The following PITPNC1 variants were observed in gnomAD, a reference collection of about 807,000 sequenced individuals.
PITPNC1 encodes the protein cytoplasmic phosphatidylinositol transfer protein 1.
PITPNC1 carries 18 observed loss-of-function variants against 44.7 expected under a neutral mutation model. The ratio of observed to expected loss-of-function variants is 0.40; its 90% CI spans 0.28 to 0.60. PITPNC1 has a LOEUF of 0.60. Among genes scored for constraint, PITPNC1 ranks in the 20% least tolerant of loss-of-function variants. The pLI is 0.39. For missense variants in PITPNC1, 290 were observed against 418.4 expected (o/e 0.69, Z 2.68); for synonymous variants, 141 against 149.6 (o/e 0.94, Z 0.42).
chr17:67,644,209 A>G (rs759560690), intron 6 of PITPNC1, among the ~76,000 whole-genome samples: 7 of 152,188 alleles, frequency 4.6e-5, no homozygotes, highest in Non-Finnish European at 1.0e-4. Context: ...AGTCTGGGCC[A>G]TCTGTGGCAC....
At position 67,676,405 on chromosome 17, in the gene PITPNC1, C is replaced by T. The variant is rs948085926; in HGVS notation, c.682+863C>T. Among the ~76,000 whole-genome samples, 1 of 152,070 alleles carries T rather than the reference C, an allele frequency of 6.6e-6. No individual in the cohort carries two copies. Among genetic ancestry groups the T allele is most frequent in the Non-Finnish European group, 1.5e-5 (1 of 68,024 alleles). ...CAAATGAAAACAAGGTTAGCTTCAT[C>T]CCATGATGGATGGACCATCCTTCCC... On this transcript the variant is annotated intron_variant, in intron 8 of 8. Transcript: ENST00000581322. The surrounding 1 kb of genome is among the most constrained non-coding windows in gnomAD (Gnocchi z 4.0).
chr17:67,378,077 C>A lies in PITPNC1; in HGVS notation c.-78C>A. 1 of 1,023,120 alleles carries A rather than the reference C, an allele frequency of 9.8e-7. No homozygotes were observed. Among genetic ancestry groups the A allele is most frequent in the Non-Finnish European group, 1.4e-6 (1 of 735,200 alleles). The allele number at this position is 1,023,120 out of a possible 1,614,324, so 63.4% of individuals were successfully genotyped here. ...AGCGCCGGGCTCCGGGCGCCCTGCC[C>A]TGCGCCTGGGCAGCAGCCTTGCTGG... is the stretch of plus-strand genomic sequence containing the variant. On this transcript the variant is annotated 5_prime_UTR_variant, in exon 1 of 9. It adds an upstream start codon to the 5' untranslated region. Coordinates refer to ENST00000581322, the MANE Select transcript of PITPNC1 (RefSeq NM_012417.4).
At chr17:67,577,120 C>A (rs1204566387) in intron 4 of PITPNC1, among the ~76,000 whole-genome samples, 2 of 151,124 alleles carry the variant, frequency 1.3e-5, no homozygotes, top group Non-Finnish European at 2.9e-5. Flanking sequence ...TTGCCTTTAC[C>A]AAAAAAATTT....
chr17:67,426,679 T>C (rs948164980), intron 1 of PITPNC1, among the ~76,000 whole-genome samples: 1 of 152,064 alleles, frequency 6.6e-6, no homozygotes, highest in South Asian at 2.1e-4. Flanking sequence ...GGCACACATA[T>C]ACCTATGTAA....
rs939799154 is a variant in PITPNC1, at chr17:67,695,562, A to ATGG, written c.*2675_*2677dup. 2 of 150,352 alleles carry ATGG rather than the reference A, an allele frequency of 1.3e-5. No individual in the cohort carries two copies. The highest frequency in any genetic ancestry group is 6.7e-5 in the Admixed American group (1 of 14,992). 9.3% of individuals were successfully genotyped at this position (150,352 alleles called of 1,614,324 possible). On this transcript the variant is annotated 3_prime_UTR_variant, in exon 9 of 9. Transcript: ENST00000581322. ...TTAACTCAGTGCCTCTGTCTGCGAT[A>ATGG]TGGAAACCTTCAACTTTGTTCACCA...
At chr17:67,480,808 G>C (rs780568786) in intron 1 of PITPNC1, among the ~76,000 whole-genome samples, 51 of 152,140 alleles carry the variant, frequency 3.4e-4, no homozygotes, top group Non-Finnish European at 6.3e-4. Context: ...CAGTTAATAC[G>C]ACTTTCTTTC....
At chr17:67,636,052 A>G (rs2042027912) in intron 6 of PITPNC1, among the ~76,000 whole-genome samples, 1 of 152,162 alleles carries the variant, frequency 6.6e-6, no homozygotes, top group African/African-American at 2.4e-5. Context: ...TAATCCCAGC[A>G]CTTTGGGAGG....
chr17:67,485,947 C>T (rs1397528554), intron 1 of PITPNC1, among the ~76,000 whole-genome samples: 1 of 152,042 alleles, frequency 6.6e-6, no homozygotes, highest in Non-Finnish European at 1.5e-5. Context: ...GCAAATGTTA[C>T]CCTAACATAA....
intron 8 of PITPNC1, among the ~76,000 whole-genome samples, chr17:67,690,408 G>C (rs913669781): frequency 1.4e-5 from 2 of 147,874 alleles, no homozygotes; most frequent in African/African-American, 5.0e-5. Flanking sequence ...AGATCTCGCC[G>C]TTGCACTCCA....
intron 5 of PITPNC1, among the ~76,000 whole-genome samples, chr17:67,617,580 G>T (rs189260849): frequency 2.0e-5 from 3 of 152,292 alleles, no homozygotes; most frequent in African/African-American, 7.2e-5. Flanking sequence ...TCACAAATTG[G>T]GTGGTTTGAG....
chr17:67,425,244 CACACACACACACACACACAG>C (rs1464861186), intron 1 of PITPNC1, among the ~76,000 whole-genome samples: 31 of 115,968 alleles, frequency 2.7e-4, no homozygotes, highest in South Asian at 1.9e-3. Context: ...CACACACACA[CACACACACACACACACACAG>C]AGGGAGAGAG....
chr17:67,605,397 G>A (rs1490234271), intron 5 of PITPNC1, among the ~76,000 whole-genome samples: 4 of 152,080 alleles, frequency 2.6e-5, no homozygotes, highest in East Asian at 1.9e-4. Flanking sequence ...GACTCACGCC[G>A]CCTGCCAGCT....
At chr17:67,467,004 C>T (rs1004695647) in intron 1 of PITPNC1, among the ~76,000 whole-genome samples, 2 of 151,232 alleles carry the variant, frequency 1.3e-5, no homozygotes, top group African/African-American at 4.9e-5. Context: ...GTTTCCTTCA[C>T]CTGCTTTTCT....
chr17:67,436,165 T>TAATTTTTA (rs996623244), intron 1 of PITPNC1, among the ~76,000 whole-genome samples: 6 of 150,688 alleles, frequency 4.0e-5, no homozygotes, highest in Non-Finnish European at 7.4e-5. Flanking sequence ...GCCACCCAGC[T>TAATTTTTA]AATTTTTAAA....
rs183997118 is a variant in PITPNC1, at chr17:67,640,172, A to T, written c.462+7934A>T. Among the ~76,000 whole-genome samples the T allele has an allele frequency of 2.9e-3, 441 of 151,966 alleles. 6 individuals are homozygous for T. Among genetic ancestry groups the T allele is most frequent in the Admixed American group, 0.013 (198 of 15,240 alleles). ...TGGGTTCCAACTTACTGGGGCCTGC[A>T]TGCTTCTTGGAAAATAAGAGGACTT... On this transcript the variant is annotated intron_variant, in intron 6 of 8. Coordinates refer to ENST00000581322, the MANE Select transcript of PITPNC1 (RefSeq NM_012417.4).
intron 6 of PITPNC1, among the ~76,000 whole-genome samples, chr17:67,668,085 C>T (rs547763339): frequency 9.2e-5 from 14 of 152,304 alleles, no homozygotes; most frequent in African/African-American, 3.1e-4. Context: ...GTACACGTTA[C>T]ATCCAGGTCA....
chr17:67,522,574 T>G (rs960626804), intron 1 of PITPNC1, among the ~76,000 whole-genome samples: 4 of 151,890 alleles, frequency 2.6e-5, no homozygotes, highest in African/African-American at 9.7e-5. Context: ...CCTTGAGGCA[T>G]GAGCCATACT....
chr17:67,599,193 T>C (rs2041510431), intron 5 of PITPNC1, among the ~76,000 whole-genome samples: 6 of 151,092 alleles, frequency 4.0e-5, no homozygotes, highest in Admixed American at 4.0e-4. Context: ...CACTACCCAG[T>C]TTATGGCATT....
At chr17:67,584,637 T>C (rs751383245) in intron 5 of PITPNC1, among the ~76,000 whole-genome samples, 6 of 152,150 alleles carry the variant, frequency 3.9e-5, no homozygotes, top group Non-Finnish European at 5.9e-5. Flanking sequence ...TGAAGTGCCA[T>C]GCAAATAAGA....
Sources: allele counts gnomAD v4.1 joint callset (sites outside exome capture counted in the v4.1 genomes callset), GRCh38; gene constraint gnomAD v4.1.1; non-coding constraint Gnocchi (gnomAD v3.1); transcripts MANE v1.5; gene names NCBI Gene and HGNC (gene_info 2026-07-23, HGNC 2026-07-21).